Variants in TMEM233 observed in about 807,000 individuals in gnomAD.
TMEM233 encodes the protein dispanin subfamily B member 2.
In TMEM233, 6 loss-of-function variants were observed where a neutral mutation model predicts 11.2. The observed-to-expected ratio is 0.54, with a 90% CI of 0.29 to 1.06. TMEM233 has a LOEUF of 1.06. Ranked by LOEUF, TMEM233 falls within the 50% of genes least tolerant of loss-of-function variation. The pLI is 0.08. For synonymous variants in TMEM233, 59 were observed against 55.8 expected, an observed-to-expected ratio of 1.06 and a Z score of -0.26; for missense variants, 127 against 144.7, an observed-to-expected ratio of 0.88 and a Z score of 0.63.
chr12:119,644,399 G>A (rs567850694), downstream of TMEM233, among the ~76,000 whole-genome samples: 8 of 151,666 alleles, frequency 5.3e-5, no homozygotes, highest in South Asian at 2.1e-4. Context: ...AAAAAACAGC[G>A]TCCATATTAA....
downstream of TMEM233, among the ~76,000 whole-genome samples, chr12:119,645,320 CAAAAAAA>C (rs3078450): frequency 0.021 from 1,558 of 74,864 alleles, 60 homozygotes; most frequent in African/African-American, 0.073. Context: ...CACCAATTAC[CAAAAAAA>C]AAAAAAAAAA....
At chr12:119,613,067 C>T (rs1024924410) in intron 1 of TMEM233, among the ~76,000 whole-genome samples, 1 of 152,028 alleles carries the variant, frequency 6.6e-6, no homozygotes, top group African/African-American at 2.4e-5. Context: ...CCCATCAACT[C>T]ATCATTTACA....
the TMEM233 span, among the ~76,000 whole-genome samples, chr12:119,651,018 T>A: frequency 6.6e-6 from 1 of 152,326 alleles, no homozygotes; most frequent in African/African-American, 2.4e-5. Flanking sequence ...CAATAATTAA[T>A]ATACACAGGA....
At chr12:119,638,178 C>T (rs901568633) in intron 2 of TMEM233, among the ~76,000 whole-genome samples, 22 of 152,086 alleles carry the variant, frequency 1.4e-4, no homozygotes, top group African/African-American at 3.6e-4. Context: ...ATGCCAATGC[C>T]GCTGGGCACT....
intron 1 of TMEM233, among the ~76,000 whole-genome samples, chr12:119,626,036 G>A (rs1281420000): frequency 6.6e-6 from 1 of 152,184 alleles, no homozygotes; most frequent in African/African-American, 2.4e-5. Context: ...GTCTCCTGAT[G>A]TGTTTGGGTG....
chr12:119,617,323 A>G (rs568219739), intron 1 of TMEM233, among the ~76,000 whole-genome samples: 65 of 152,280 alleles, frequency 4.3e-4, no homozygotes, highest in African/African-American at 1.4e-3. Flanking sequence ...GTGGTCTCAG[A>G]TGGAGATGAG....
At chr12:119,615,964 G>A (rs1399795764) in intron 1 of TMEM233, among the ~76,000 whole-genome samples, 2 of 152,156 alleles carry the variant, frequency 1.3e-5, no homozygotes, top group Non-Finnish European at 2.9e-5. Context: ...GCATAGAAAT[G>A]GTCACCGTCA....
intron 1 of TMEM233, among the ~76,000 whole-genome samples, chr12:119,598,343 ATTC>A (rs1954090137): frequency 6.6e-6 from 1 of 152,208 alleles, no homozygotes; most frequent in African/African-American, 2.4e-5. Context: ...CCCACCCTCA[ATTC>A]TTGATGACAT....
chr12:119,646,765 G>C (rs1222770626), downstream of TMEM233, among the ~76,000 whole-genome samples: 1 of 152,150 alleles, frequency 6.6e-6, no homozygotes, highest in African/African-American at 2.4e-5. Flanking sequence ...GGTCCACCTG[G>C]ATGATCCAGA....
chr12:119,619,661 C>T (rs987279241), intron 1 of TMEM233, among the ~76,000 whole-genome samples: 8 of 151,270 alleles, frequency 5.3e-5, no homozygotes, highest in African/African-American at 1.7e-4. Context: ...AAAAAACACA[C>T]TGACACTGGT....
intron 2 of TMEM233, among the ~76,000 whole-genome samples, chr12:119,633,582 G>A (rs1324739799): frequency 6.6e-6 from 1 of 152,026 alleles, no homozygotes; most frequent in Non-Finnish European, 1.5e-5. Flanking sequence ...GTGAGACCCT[G>A]TCTCAAAAAC....
intron 1 of TMEM233, among the ~76,000 whole-genome samples, chr12:119,601,652 C>T (rs1355654602): frequency 1.5e-4 from 14 of 92,118 alleles, no homozygotes; most frequent in South Asian, 4.6e-4. Flanking sequence ...AGCGAGATTC[C>T]GCCTCAAAAA....
intron 1 of TMEM233, among the ~76,000 whole-genome samples, chr12:119,614,285 T>C (rs146732751): frequency 0.013 from 1,908 of 152,106 alleles, 35 homozygotes; most frequent in African/African-American, 0.044. Context: ...CGTGCATCTG[T>C]AATCCCAGCT....
In TMEM233 at chr12:119,641,961, G is replaced by T. The variant is rs939103457; in HGVS notation, c.*1256G>T. On this transcript the variant is annotated 3_prime_UTR_variant, in exon 3 of 3. Transcript: ENST00000426426. ...TTTAATGATATTGTTTTGTGTCATG[G>T]TATTTATTTTATTTATTACCTTCCA... The T allele has an allele frequency of 6.6e-6, 1 of 152,148 alleles. No homozygotes were observed. Among genetic ancestry groups the T allele is most frequent in the Non-Finnish European group, 1.5e-5 (1 of 68,030 alleles). 9.4% of individuals were successfully genotyped at this position (152,148 alleles called of 1,614,324 possible). A position where few individuals can be genotyped will look rare whatever the true frequency, so the allele number is the denominator to read the frequency against.
chr12:119,646,406 CTT>C (rs1171184684), downstream of TMEM233, among the ~76,000 whole-genome samples: 3 of 152,172 alleles, frequency 2.0e-5, no homozygotes, highest in Admixed American at 2.0e-4. Context: ...CCATTACAAA[CTT>C]AATGAGTTAA....
chr12:119,618,724 C>A (rs562200487), intron 1 of TMEM233, among the ~76,000 whole-genome samples: 30 of 152,336 alleles, frequency 2.0e-4, no homozygotes, highest in African/African-American at 7.0e-4. Flanking sequence ...TGCCCAATGC[C>A]TGTACCCCCA....
the TMEM233 span, among the ~76,000 whole-genome samples, chr12:119,650,478 T>C: frequency 6.6e-6 from 1 of 152,260 alleles, no homozygotes; most frequent in African/African-American, 2.4e-5. Flanking sequence ...ACAGAACTAC[T>C]TTCTACGCAT....
chr12:119,607,771 C>T (rs1371904010), intron 1 of TMEM233, among the ~76,000 whole-genome samples: 1 of 151,968 alleles, frequency 6.6e-6, no homozygotes, highest in African/African-American at 2.4e-5. Flanking sequence ...TGCATCACCA[C>T]ACCCGACTAA....
At chr12:119,650,516 T>C in the TMEM233 span, among the ~76,000 whole-genome samples, 1 of 152,266 alleles carries the variant, frequency 6.6e-6, no homozygotes, top group East Asian at 1.9e-4. Context: ...TAATAGCCTA[T>C]TACCCATTGT....
Sources: allele counts gnomAD v4.1 joint callset (sites outside exome capture counted in the v4.1 genomes callset), GRCh38; gene constraint gnomAD v4.1.1; transcripts MANE v1.5; gene names NCBI Gene and HGNC (gene_info 2026-07-23, HGNC 2026-07-21).